Variants in CTNNA3 observed in about 807,000 individuals in gnomAD.
The protein encoded by CTNNA3 is catenin alpha 3, also known as catenin alpha-3.
A neutral mutation model predicts 95.7 loss-of-function variants in CTNNA3; 76 were observed. The ratio of observed to expected loss-of-function variants is 0.79; its 90% CI spans 0.66 to 0.96. The LOEUF (loss-of-function observed/expected upper bound fraction) is 0.96, where lower values mean the gene tolerates loss of function less well. CTNNA3 is among the 40% of genes least tolerant of loss of function. The probability of loss-of-function intolerance (pLI) is 0.00; values close to 1 mark genes in which losing one functional copy is unlikely to be tolerated. For missense variants in CTNNA3, 1,191 were observed against 1,089.8 expected, an observed-to-expected ratio of 1.09 and a Z score of -1.31; for synonymous variants, 431 against 374.4, an observed-to-expected ratio of 1.15 and a Z score of -1.74.
intron 15 of CTNNA3, among the ~76,000 whole-genome samples, chr10:66,004,917 A>C (rs1376121949): frequency 6.6e-6 from 1 of 152,142 alleles, no homozygotes; most frequent in African/African-American, 2.4e-5. Flanking sequence ...TTGACAATAC[A>C]CATTTATTAT....
intron 13 of CTNNA3, among the ~76,000 whole-genome samples, chr10:66,197,589 T>C (rs1156896355): frequency 6.6e-6 from 1 of 152,186 alleles, no homozygotes. Context: ...AATGTTCCCA[T>C]TAATTAGTAA....
intron 17 of CTNNA3, among the ~76,000 whole-genome samples, chr10:65,922,110 C>T (rs2077096083): frequency 6.6e-6 from 1 of 152,176 alleles, no homozygotes; most frequent in Non-Finnish European, 1.5e-5. Flanking sequence ...CCAAGTAAGT[C>T]TGGTTCTACC....
intron 10 of CTNNA3, among the ~76,000 whole-genome samples, chr10:66,550,056 A>G (rs1213160171): frequency 6.6e-6 from 1 of 152,146 alleles, no homozygotes; most frequent in African/African-American, 2.4e-5. Context: ...AATTTACTAC[A>G]ATTATGAAAT....
intron 17 of CTNNA3, among the ~76,000 whole-genome samples, chr10:65,957,588 G>T (rs1459579000): frequency 6.6e-6 from 1 of 152,148 alleles, no homozygotes; most frequent in African/African-American, 2.4e-5. Flanking sequence ...AGGCCTGGTG[G>T]TGACAAAATA....
At chr10:66,809,413 T>C (rs1841786331) in intron 7 of CTNNA3, among the ~76,000 whole-genome samples, 1 of 152,226 alleles carries the variant, frequency 6.6e-6, no homozygotes, top group Non-Finnish European at 1.5e-5. Context: ...TTATTGCTAA[T>C]ATGAACGGAT....
chr10:66,409,717 C>T (rs1405976689), intron 11 of CTNNA3, among the ~76,000 whole-genome samples: 1 of 152,004 alleles, frequency 6.6e-6, no homozygotes, highest in African/African-American at 2.4e-5. Context: ...GTATTAAACA[C>T]AAAACAAGAC....
intron 12 of CTNNA3, among the ~76,000 whole-genome samples, chr10:66,371,725 G>A (rs1188912214): frequency 6.6e-6 from 1 of 152,050 alleles, no homozygotes; most frequent in African/African-American, 2.4e-5. Context: ...TTATTATGCA[G>A]GGAATATGCC....
At chr10:66,836,642 T>C (rs1373196115) in intron 7 of CTNNA3, among the ~76,000 whole-genome samples, 2 of 152,142 alleles carry the variant, frequency 1.3e-5, no homozygotes, top group East Asian at 3.9e-4. Flanking sequence ...AGATATCAAA[T>C]GTGACAAACC....
At chr10:66,496,266 G>A (rs995714512) in intron 11 of CTNNA3, among the ~76,000 whole-genome samples, 3 of 151,910 alleles carry the variant, frequency 2.0e-5, no homozygotes, top group African/African-American at 4.8e-5. Flanking sequence ...TTAAAATTCC[G>A]TAGTATAATC....
intron 12 of CTNNA3, among the ~76,000 whole-genome samples, chr10:66,289,517 A>G (rs1174051476): frequency 6.6e-6 from 1 of 151,824 alleles, no homozygotes; most frequent in Non-Finnish European, 1.5e-5. Context: ...CTTTTCTAGA[A>G]ATCTGAATAG....
intron 12 of CTNNA3, among the ~76,000 whole-genome samples, chr10:66,292,490 T>A (rs73319915): frequency 0.036 from 5,471 of 152,172 alleles, 315 homozygotes; most frequent in African/African-American, 0.12. Context: ...TTCGTGTAGG[T>A]CTCTCTCAAT....
chr10:66,733,777 C>T (rs1235517486), intron 9 of CTNNA3, among the ~76,000 whole-genome samples: 5 of 151,566 alleles, frequency 3.3e-5, no homozygotes, highest in African/African-American at 9.7e-5. Context: ...TTCTTTACAT[C>T]TATTTTCTAT....
chr10:66,252,006 C>T (rs1224913427), intron 13 of CTNNA3, among the ~76,000 whole-genome samples: 1 of 152,112 alleles, frequency 6.6e-6, no homozygotes. Context: ...TTATTAAGAT[C>T]AGTCTATGAA....
intron 13 of CTNNA3, among the ~76,000 whole-genome samples, chr10:66,172,397 CT>C (rs1409575448): frequency 1.3e-5 from 2 of 151,984 alleles, no homozygotes; most frequent in Admixed American, 6.6e-5. Flanking sequence ...AGTTATAGAA[CT>C]TTTGTAACCT....
chr10:67,687,188 G>A (rs574798307), intron 1 of CTNNA3, among the ~76,000 whole-genome samples: 55 of 152,242 alleles, frequency 3.6e-4, no homozygotes, highest in African/African-American at 1.3e-3. Context: ...CAATTTCCTG[G>A]CCCTCAATGG....
chr10:67,234,315 A>G (rs1865356039), intron 5 of CTNNA3, among the ~76,000 whole-genome samples: 1 of 152,206 alleles, frequency 6.6e-6, no homozygotes, highest in Non-Finnish European at 1.5e-5. Flanking sequence ...CTTATCCACC[A>G]TGATCAAGTG....
At chr10:66,716,208 C>T (rs1589161406) in intron 9 of CTNNA3, among the ~76,000 whole-genome samples, 2 of 152,082 alleles carry the variant, frequency 1.3e-5, no homozygotes, top group South Asian at 2.1e-4. Flanking sequence ...AAATGTTATG[C>T]TAATTTGTCT....
chr10:66,211,567 C>T (rs1227158482), intron 13 of CTNNA3, among the ~76,000 whole-genome samples: 5 of 152,136 alleles, frequency 3.3e-5, no homozygotes, highest in African/African-American at 1.2e-4. Flanking sequence ...CAGTGAGTAC[C>T]GAGTACAAGC....
chr10:66,651,755 C>T (rs1261116911), intron 9 of CTNNA3, among the ~76,000 whole-genome samples: 1 of 138,768 alleles, frequency 7.2e-6, no homozygotes, highest in Non-Finnish European at 1.6e-5. Context: ...CCTGCGGCTC[C>T]GAGTGCGGGG....
Sources: allele counts gnomAD v4.1 joint callset (sites outside exome capture counted in the v4.1 genomes callset), GRCh38; gene constraint gnomAD v4.1.1; transcripts MANE v1.5; gene names NCBI Gene and HGNC (gene_info 2026-07-23, HGNC 2026-07-21).